Variants in SLIT1 observed in about 807,000 individuals in gnomAD.
SLIT1 encodes slit guidance ligand 1, also known as slit homolog 1 protein.
A neutral mutation model predicts 186.1 loss-of-function variants in SLIT1; 66 were observed. That is an observed-to-expected ratio of 0.35 (90% confidence interval 0.29 to 0.44). The LOEUF is 0.44. SLIT1 is among the 20% of genes least tolerant of loss of function. SLIT1 has a pLI of 1.00. For missense variants in SLIT1, 1,638 were observed against 2,037.4 expected (o/e 0.80, Z 3.77); for synonymous variants, 761 against 833.8 (o/e 0.91, Z 1.50).
intron 3 of SLIT1, among the ~76,000 whole-genome samples, chr10:97,159,237 A>G (rs1038006875): frequency 5.9e-5 from 9 of 152,226 alleles, no homozygotes; most frequent in African/African-American, 2.2e-4. Flanking sequence ...GTCATCCTTC[A>G]TCTAATATGT....
intron 4 of SLIT1, among the ~76,000 whole-genome samples, chr10:97,148,885 A>G (rs1309761475): frequency 6.6e-6 from 1 of 152,240 alleles, no homozygotes; most frequent in African/African-American, 2.4e-5. Flanking sequence ...CTCTCTATTC[A>G]GAATCTTCCC....
intron 18 of SLIT1, among the ~76,000 whole-genome samples, chr10:97,046,089 G>C (rs566455605): frequency 6.6e-6 from 1 of 152,288 alleles, no homozygotes; most frequent in East Asian, 1.9e-4. Flanking sequence ...TATGGGACAC[G>C]ATACACACCC....
chr10:97,176,660 C>G (rs1202715303), intron 1 of SLIT1, among the ~76,000 whole-genome samples: 1 of 152,210 alleles, frequency 6.6e-6, no homozygotes. Context: ...CCTTGGACCT[C>G]CTCCTCAGAC....
chr10:97,180,025 G>C (rs1443708823), intron 1 of SLIT1, among the ~76,000 whole-genome samples: 4 of 152,196 alleles, frequency 2.6e-5, no homozygotes, highest in African/African-American at 7.2e-5. Flanking sequence ...AGCCCCAAAA[G>C]AGCACGGCCG....
At chr10:97,081,624 C>T (rs1170849204) in intron 4 of SLIT1, among the ~76,000 whole-genome samples, 1 of 152,126 alleles carries the variant, frequency 6.6e-6, no homozygotes, top group Non-Finnish European at 1.5e-5. Flanking sequence ...ATCTGCAGCC[C>T]CTGAGGCCCC....
chr10:97,107,025 G>T (rs185844843), intron 4 of SLIT1, among the ~76,000 whole-genome samples: 14 of 152,374 alleles, frequency 9.2e-5, no homozygotes, highest in African/African-American at 3.4e-4. Context: ...TAAACTTTCT[G>T]TACAGCAGTG....
At chr10:97,101,351 C>G (rs1452304194) in intron 4 of SLIT1, 1 of 152,214 alleles carries the variant, frequency 6.6e-6, no homozygotes, top group Non-Finnish European at 1.5e-5. Context: ...CTGTACTTAC[C>G]TCTCCCCTCC....
intron 1 of SLIT1, among the ~76,000 whole-genome samples, chr10:97,179,385 G>A (rs1196029222): frequency 6.6e-6 from 1 of 152,140 alleles, no homozygotes; most frequent in African/African-American, 2.4e-5. Context: ...TTGAGCCCAG[G>A]AATTTGAGAC....
At chr10:97,014,311 A>C (rs1475992402) in intron 28 of SLIT1, among the ~76,000 whole-genome samples, 153 bp from the exon 29 acceptor site, 1 of 152,210 alleles carries the variant, frequency 6.6e-6, no homozygotes, top group Non-Finnish European at 1.5e-5. Flanking sequence ...GGTGACCAAG[A>C]CTGACCATGC....
chr10:97,149,040 C>T (rs1026980731), intron 4 of SLIT1, among the ~76,000 whole-genome samples: 5 of 152,220 alleles, frequency 3.3e-5, no homozygotes, highest in Non-Finnish European at 7.3e-5. Context: ...ACTGACCGCT[C>T]GCCACCCCCC....
At position 97,001,215 on chromosome 10, in the gene SLIT1, A is replaced by AGGCCCTGGCAGC. The variant is rs2134583351; in HGVS notation, c.4490_4501dup (p.Gly1500_Leu1501insArgCysGlnGly). 6.2e-7 allele frequency: 1 copy of AGGCCCTGGCAGC among 1,613,210 alleles called. No homozygotes were observed. The highest frequency in any genetic ancestry group is 8.5e-7 in the Non-Finnish European group (1 of 1,179,912). On this transcript the variant is annotated inframe_insertion, in exon 37 of 37. Coordinates refer to ENST00000266058, the MANE Select transcript of SLIT1 (RefSeq NM_003061.3). The stretch of plus-strand genomic sequence containing the variant: ...GGTGAACTTCCTCCGCTTCAGCCGA[A>AGGCCCTGGCAGC]GGCCCTGGCAGCAGCCCTGGCCTGG...
At chr10:97,094,357 G>C (rs1252460833) in intron 4 of SLIT1, among the ~76,000 whole-genome samples, 1 of 152,194 alleles carries the variant, frequency 6.6e-6, no homozygotes, top group East Asian at 1.9e-4. Context: ...AATGAGAATG[G>C]TGTCCTTTAG....
Position 97,004,930 on chromosome 10 carries a change from G to A in SLIT1, c.3580-107C>T. ...CAAGATTGGAAGAGAGATGCTCTGT[G>A]CAGAGCGCTCTTCCCCCACCTGGCC... On this transcript the variant is annotated intron_variant, in intron 32 of 36. Coordinates refer to ENST00000266058, the MANE Select transcript of SLIT1 (RefSeq NM_003061.3). The surrounding 1 kb of genome is among the most constrained non-coding windows in gnomAD (Gnocchi z 5.1). 1 of 1,354,506 alleles carries A rather than the reference G, an allele frequency of 7.4e-7. No homozygotes were observed. The highest frequency in any genetic ancestry group is 1.0e-6 in the Non-Finnish European group (1 of 967,124). The allele number at this position is 1,354,506 out of a possible 1,614,324, so 83.9% of individuals were successfully genotyped here.
intron 25 of SLIT1, among the ~76,000 whole-genome samples, chr10:97,024,674 A>G (rs1378353927): frequency 6.6e-6 from 1 of 152,242 alleles, no homozygotes; most frequent in Non-Finnish European, 1.5e-5. Flanking sequence ...GTATTTTTAT[A>G]CTAACAAAAA....
At chr10:97,134,982 A>C (rs1257444078) in intron 4 of SLIT1, among the ~76,000 whole-genome samples, 1 of 152,200 alleles carries the variant, frequency 6.6e-6, no homozygotes, top group Non-Finnish European at 1.5e-5. Flanking sequence ...ACCAGCTCTG[A>C]AAAGCAGAGA....
rs574370999 is a variant in SLIT1 at position 97,123,903 on chromosome 10, A to T, written c.413+33915T>A. ...ACAAGGGTCCACGGCAAAGCCACAAAGCCTCAGCTCTCAAGCAGAGGGACC... is the reference window on the plus strand; with the variant it reads ...ACAAGGGTCCACGGCAAAGCCACAATGCCTCAGCTCTCAAGCAGAGGGACC... On this transcript the variant is annotated intron_variant, in intron 4 of 36. Transcript: ENST00000266058. 2.0e-5 allele frequency among the ~76,000 whole-genome samples: 3 copies of T among 152,228 alleles called. No homozygotes were observed. In the East Asian group the frequency reaches 5.8e-4, roughly 29 times the overall value.
At chr10:97,049,147 G>T in intron 13 of SLIT1, 29 bp from the exon 14 acceptor site, 1 of 1,604,982 alleles carries the variant, frequency 6.2e-7, no homozygotes, top group South Asian at 1.1e-5. Context: ...TCAGCTATGA[G>T]AAACAAGGGC....
At chr10:97,050,389 C>T (rs1323820349) in intron 13 of SLIT1, among the ~76,000 whole-genome samples, 1 of 152,238 alleles carries the variant, frequency 6.6e-6, no homozygotes, top group African/African-American at 2.4e-5. Context: ...CGTCCATCAC[C>T]TCCTGGGCTC....
At chr10:97,146,587 A>C (rs1052030585) in intron 4 of SLIT1, among the ~76,000 whole-genome samples, 1 of 148,636 alleles carries the variant, frequency 6.7e-6, no homozygotes, top group Non-Finnish European at 1.5e-5. Flanking sequence ...CTCCCAGTAG[A>C]TTTTATTTAT....
Sources: allele counts gnomAD v4.1 joint callset (sites outside exome capture counted in the v4.1 genomes callset), GRCh38; gene constraint gnomAD v4.1.1; non-coding constraint Gnocchi (gnomAD v3.1); transcripts MANE v1.5; gene names NCBI Gene and HGNC (gene_info 2026-07-23, HGNC 2026-07-21).